PHLPP1: variants seen among roughly 807,000 people sequenced by gnomAD.
The protein encoded by PHLPP1 is PH domain leucine-rich repeat-containing protein phosphatase 1.
A neutral mutation model predicts 117.2 loss-of-function variants in PHLPP1; 42 were observed. That is an observed-to-expected ratio of 0.36 (90% CI 0.28 to 0.46). The LOEUF (loss-of-function observed/expected upper bound fraction) is 0.46. PHLPP1 is among the 20% of genes least tolerant of loss of function. PHLPP1 has a pLI of 1.00. For missense variants in PHLPP1, 2,084 were observed against 2,241.9 expected (o/e 0.93, Z 1.42); for synonymous variants, 1,042 against 970.7 (o/e 1.07, Z -1.37).
intron 1 of PHLPP1, among the ~76,000 whole-genome samples, chr18:62,790,511 A>G (rs899076143): frequency 6.6e-6 from 1 of 152,234 alleles, no homozygotes; most frequent in Non-Finnish European, 1.5e-5. Flanking sequence ...CATATTGCCA[A>G]AAGAATAAAT....
intron 10 of PHLPP1, among the ~76,000 whole-genome samples, chr18:62,938,226 A>C (rs144695975): frequency 3.9e-5 from 6 of 152,320 alleles, no homozygotes; most frequent in Admixed American, 3.9e-4. Flanking sequence ...TTCTGTAAGG[A>C]AGAAGCTTGA....
intron 1 of PHLPP1, chr18:62,826,301 A>G (rs1914612931): frequency 2.6e-6 from 1 of 390,180 alleles, no homozygotes; most frequent in Non-Finnish European, 5.1e-6. Flanking sequence ...TTGTTAGAAA[A>G]TAAGCTGACC....
chr18:62,958,781 G>GTA, intron 13 of PHLPP1, 22 bp downstream of exon 13: 1 of 1,612,890 alleles, frequency 6.2e-7, no homozygotes, highest in Non-Finnish European at 8.5e-7. Flanking sequence ...GTAAAGCACT[G>GTA]TATCCCCATC....
At chr18:62,922,897 G>C (rs185956665) in intron 10 of PHLPP1, among the ~76,000 whole-genome samples, 161 of 152,324 alleles carry the variant, frequency 1.1e-3, no homozygotes, top group Non-Finnish European at 2.0e-3. Flanking sequence ...CCAGGATTGA[G>C]AACCACTGCC....
intron 6 of PHLPP1, among the ~76,000 whole-genome samples, chr18:62,901,877 C>T (rs992520416): frequency 6.6e-6 from 1 of 152,092 alleles, no homozygotes; most frequent in Non-Finnish European, 1.5e-5. Flanking sequence ...AAACACCCAC[C>T]TCAGCCTCCC....
At chr18:62,802,876 A>C (rs185030977) in intron 1 of PHLPP1, among the ~76,000 whole-genome samples, 4 of 152,258 alleles carry the variant, frequency 2.6e-5, no homozygotes, top group Admixed American at 1.3e-4. Context: ...CAAATAAAAA[A>C]TTAGATTGGA....
chr18:62,762,398 G>T (rs1173055501), intron 1 of PHLPP1, among the ~76,000 whole-genome samples: 1 of 145,500 alleles, frequency 6.9e-6, no homozygotes, highest in East Asian at 2.0e-4. Flanking sequence ...CTGTTTTCTT[G>T]ATTTTTATTT....
chr18:62,901,709 C>T (rs1275672336), intron 6 of PHLPP1, among the ~76,000 whole-genome samples: 1 of 151,882 alleles, frequency 6.6e-6, no homozygotes, highest in Non-Finnish European at 1.5e-5. Flanking sequence ...CCACAACCTC[C>T]ACCTCCTGGG....
chr18:62,715,775 C>T lies in PHLPP1; in HGVS notation c.92C>T (p.Ala31Val). ...GCTCCGGCGGCCGCCGCTGCGGCAGCAGCAGCAGCAGCGGCGGCCGCGGCG... is the reference window on the plus strand; with the variant it reads ...GCTCCGGCGGCCGCCGCTGCGGCAGTAGCAGCAGCAGCGGCGGCCGCGGCG... ...ASAPAAAAAA[A>V]AAAAAAAAAL... Residue 31 changes from alanine to valine, a missense_variant, in exon 1 of 17, where the codon GCA (alanine) becomes GTA (valine). Physicochemically the swap from Ala to Val is moderately conservative, Grantham distance 64. Around this residue, in one of 2 missense-constraint regions of PHLPP1, gnomAD observed 719 missense variants for 636.0 expected, o/e 1.13. Transcript: ENST00000262719. 1 of 902,116 alleles carries T rather than the reference C, an allele frequency of 1.1e-6. No individual in the cohort carries two copies. The highest frequency in any genetic ancestry group is 1.4e-6 in the Non-Finnish European group (1 of 733,860). 55.9% of individuals were successfully genotyped at this position (902,116 alleles called of 1,614,324 possible).
intron 2 of PHLPP1, among the ~76,000 whole-genome samples, chr18:62,836,294 C>T (rs1301977931): frequency 6.6e-6 from 1 of 150,978 alleles, no homozygotes; most frequent in African/African-American, 2.4e-5. Context: ...ATTGGTGGCG[C>T]AGTGGCAGGC....
At chr18:62,727,205 G>T (rs1422690433) in intron 1 of PHLPP1, among the ~76,000 whole-genome samples, 1 of 149,282 alleles carries the variant, frequency 6.7e-6, no homozygotes, top group African/African-American at 2.5e-5. Flanking sequence ...TCCAGCCTGG[G>T]TGACAGAGTG....
chr18:62,947,093 T>G (rs1486966384), intron 12 of PHLPP1, among the ~76,000 whole-genome samples: 1 of 152,212 alleles, frequency 6.6e-6, no homozygotes, highest in Non-Finnish European at 1.5e-5. Context: ...ATTTCCAGAA[T>G]TTTTACTTTC....
chr18:62,762,290 C>T (rs34030368), intron 1 of PHLPP1, among the ~76,000 whole-genome samples: 8,517 of 150,038 alleles, frequency 0.057, 332 homozygotes, highest in Middle Eastern at 0.09. Context: ...TATCGGCTGA[C>T]ACTGAACCCA....
At chr18:62,877,910 C>T (rs1005225896) in intron 4 of PHLPP1, among the ~76,000 whole-genome samples, 4 of 152,174 alleles carry the variant, frequency 2.6e-5, no homozygotes, top group Admixed American at 2.6e-4. Context: ...AAATATCAGC[C>T]AGGCTATATT....
At chr18:62,850,073 A>T (rs899885616) in intron 3 of PHLPP1, among the ~76,000 whole-genome samples, 5 of 135,238 alleles carry the variant, frequency 3.7e-5, no homozygotes, top group East Asian at 2.1e-4. Context: ...TTAAACATCA[A>T]TTTTTTTTTT....
chr18:62,862,578 G>T (rs1487359169), intron 4 of PHLPP1, among the ~76,000 whole-genome samples: 1 of 152,196 alleles, frequency 6.6e-6, no homozygotes, highest in Non-Finnish European at 1.5e-5. Flanking sequence ...AAATACCCAA[G>T]TATGAATAAT....
At chr18:62,795,371 G>C (rs1051711213) in intron 1 of PHLPP1, among the ~76,000 whole-genome samples, 1 of 151,296 alleles carries the variant, frequency 6.6e-6, no homozygotes, top group African/African-American at 2.4e-5. Context: ...CCAGCTACTC[G>C]GGAGGCTGAG....
In PHLPP1 at chr18:62,926,860, A is replaced by C. The variant is rs866854060; in HGVS notation, c.2960+6746A>C. Among the ~76,000 whole-genome samples the C allele has an allele frequency of 2.0e-5, 3 of 152,286 alleles. No homozygotes were observed. In the South Asian group the frequency reaches 6.2e-4, roughly 32 times the overall value. On this transcript the variant is annotated intron_variant, in intron 10 of 16. Coordinates refer to ENST00000262719, the MANE Select transcript of PHLPP1 (RefSeq NM_194449.4). ...AGTGAGAGGATAATTTATAAATAAA[A>C]AGAGAAATAAGCATCAATTCCCAGC...
chr18:62,829,962 A>G, intron 1 of PHLPP1, 73 bp from the exon 2 acceptor site: 3 of 1,014,838 alleles, frequency 3.0e-6, no homozygotes, highest in Non-Finnish European at 2.8e-6. Context: ...TCCAATTCAT[A>G]TATCTGCTAT....
Sources: allele counts gnomAD v4.1 joint callset (sites outside exome capture counted in the v4.1 genomes callset), GRCh38; gene constraint gnomAD v4.1.1; regional missense constraint gnomAD v4.1.1; transcripts MANE v1.5; gene names NCBI Gene and HGNC (gene_info 2026-07-23, HGNC 2026-07-21).